RIT2: variants seen among roughly 807,000 people sequenced by gnomAD.
RIT2 encodes the protein Ras like without CAAX 2.
A neutral mutation model predicts 23.7 loss-of-function variants in RIT2; 24 were observed. The ratio of observed to expected loss-of-function variants is 1.01; its 90% CI spans 0.73 to 1.43. RIT2 has a LOEUF of 1.43. Ranked by LOEUF, RIT2 falls within the 40% of genes most tolerant of loss-of-function variation. RIT2 has a pLI of 0.00. For synonymous variants in RIT2, 107 were observed against 91.1 expected, an observed-to-expected ratio of 1.17 and a Z score of -0.99; for missense variants, 236 against 266.9, an observed-to-expected ratio of 0.88 and a Z score of 0.81.
chr18:42,974,979 C>A (rs980563737), intron 2 of RIT2, among the ~76,000 whole-genome samples: 3 of 152,080 alleles, frequency 2.0e-5, no homozygotes, highest in Non-Finnish European at 4.4e-5. Flanking sequence ...AAGGAATCTG[C>A]AGAGTTAATG....
intron 2 of RIT2, among the ~76,000 whole-genome samples, chr18:43,030,539 G>GA (rs1182590084): frequency 6.6e-6 from 1 of 151,990 alleles, no homozygotes; most frequent in Non-Finnish European, 1.5e-5. Context: ...ACAACACTAG[G>GA]AACCATCAAA....
intron 4 of RIT2, among the ~76,000 whole-genome samples, chr18:42,866,710 A>G (rs1045339188): frequency 4.0e-5 from 6 of 151,592 alleles, no homozygotes; most frequent in Non-Finnish European, 8.8e-5. Context: ...TATGAATGTC[A>G]TTTTTAGCAG....
intron 4 of RIT2, among the ~76,000 whole-genome samples, chr18:42,907,607 C>T (rs1286596122): frequency 6.6e-6 from 1 of 151,978 alleles, no homozygotes; most frequent in Non-Finnish European, 1.5e-5. Context: ...GTACCAAAAA[C>T]CAGAAAAAAT....
chr18:42,835,314 A>C (rs1906565807), intron 4 of RIT2, among the ~76,000 whole-genome samples: 1 of 152,038 alleles, frequency 6.6e-6, no homozygotes, highest in East Asian at 1.9e-4. Context: ...TCATTTACAC[A>C]CACACACTCA....
At chr18:42,804,888 A>G (rs1303046151) in intron 4 of RIT2, among the ~76,000 whole-genome samples, 2 of 152,230 alleles carry the variant, frequency 1.3e-5, no homozygotes, top group Non-Finnish European at 2.9e-5. Flanking sequence ...CACATGAGAT[A>G]GTGCGCAGGG....
intron 4 of RIT2, among the ~76,000 whole-genome samples, chr18:42,883,682 T>TA: frequency 6.6e-6 from 1 of 152,318 alleles, no homozygotes; most frequent in South Asian, 2.1e-4. Context: ...TCTAGAAATA[T>TA]AAAAATGGAA....
At chr18:42,879,474 T>C (rs493597) in intron 4 of RIT2, among the ~76,000 whole-genome samples, 5,442 of 152,230 alleles carry the variant, frequency 0.036, 324 homozygotes, top group African/African-American at 0.12. Context: ...TATTATATTA[T>C]ACAAAGCAGA....
At chr18:43,012,493 C>T (rs1044881919) in intron 2 of RIT2, among the ~76,000 whole-genome samples, 130 of 151,588 alleles carry the variant, frequency 8.6e-4, no homozygotes, top group African/African-American at 2.8e-3. Context: ...GAGAAAATAA[C>T]GAATTTTCAC....
chr18:42,755,561 A>C (rs1027730384), intron 4 of RIT2, among the ~76,000 whole-genome samples: 1 of 152,112 alleles, frequency 6.6e-6, no homozygotes, highest in African/African-American at 2.4e-5. Flanking sequence ...CTTAATTACT[A>C]TCTGAATTCA....
chr18:42,880,877 G>A (rs1016798263), intron 4 of RIT2, among the ~76,000 whole-genome samples: 2 of 141,452 alleles, frequency 1.4e-5, no homozygotes, highest in African/African-American at 2.7e-5. Context: ...GCATGATCTC[G>A]GCTCACTGCA....
At chr18:42,851,232 T>A (rs1184452798) in intron 4 of RIT2, among the ~76,000 whole-genome samples, 1 of 152,220 alleles carries the variant, frequency 6.6e-6, no homozygotes, top group Admixed American at 6.5e-5. Context: ...CAGAGCTACT[T>A]GATACTTTAC....
At chr18:42,944,571 T>A (rs1467043127) in intron 3 of RIT2, among the ~76,000 whole-genome samples, 1 of 152,112 alleles carries the variant, frequency 6.6e-6, no homozygotes, top group Non-Finnish European at 1.5e-5. Flanking sequence ...TCAGCTGCAA[T>A]GCACCATTTT....
chr18:42,911,375 A>G (rs1598711303), intron 4 of RIT2, among the ~76,000 whole-genome samples: 2 of 152,200 alleles, frequency 1.3e-5, no homozygotes, highest in African/African-American at 2.4e-5. Flanking sequence ...TAATAAAACT[A>G]AAAGCCAATT....
chr18:43,106,567 A>T (rs1913827785), intron 1 of RIT2, among the ~76,000 whole-genome samples: 1 of 152,124 alleles, frequency 6.6e-6, no homozygotes, highest in African/African-American at 2.4e-5. Context: ...TGGGACTGCA[A>T]ATATAGTTTT....
intron 1 of RIT2, among the ~76,000 whole-genome samples, chr18:43,102,730 T>G (rs1366693961): frequency 6.6e-6 from 1 of 152,038 alleles, no homozygotes; most frequent in African/African-American, 2.4e-5. Context: ...CTCGGCTCAC[T>G]GCAACCTTCG....
At chr18:43,008,555 C>T (rs1179691229) in intron 2 of RIT2, among the ~76,000 whole-genome samples, 4 of 150,890 alleles carry the variant, frequency 2.7e-5, no homozygotes, top group African/African-American at 4.9e-5. Context: ...CTGTACATTA[C>T]TTTATGTTAT....
chr18:43,020,951 G>C (rs1316586022), intron 2 of RIT2, among the ~76,000 whole-genome samples: 1 of 151,996 alleles, frequency 6.6e-6, no homozygotes, highest in African/African-American at 2.4e-5. Context: ...CATTGGACTA[G>C]GCAAAGATTT....
chr18:42,778,687 CCTT>C (rs1913737269), intron 4 of RIT2, among the ~76,000 whole-genome samples: 1 of 76,936 alleles, frequency 1.3e-5, no homozygotes, highest in Non-Finnish European at 4.5e-5. Context: ...ATGCCTGTAT[CCTT>C]TCTCGAGTCC....
chr18:43,026,628 GAAA>G, intron 2 of RIT2, among the ~76,000 whole-genome samples: 1 of 136,582 alleles, frequency 7.3e-6, no homozygotes, highest in Admixed American at 7.3e-5. Flanking sequence ...AAGAAAGAAA[GAAA>G]GAAAGAGAGA....
Sources: gnomAD v4.1 joint callset for allele counts (sites outside exome capture counted in the v4.1 genomes callset) on GRCh38, gnomAD v4.1.1 for gene constraint, MANE v1.5 for transcripts, NCBI Gene and HGNC (gene_info 2026-07-23, HGNC 2026-07-21) for gene names.